The following DCC variants were observed in gnomAD, a reference collection of about 807,000 sequenced individuals.
DCC encodes netrin receptor DCC.
A neutral mutation model predicts 172.5 loss-of-function variants in DCC; 58 were observed. The ratio of observed to expected loss-of-function variants is 0.34; its 90% confidence interval spans 0.27 to 0.42. The LOEUF is 0.42. DCC is among the 10% of genes least tolerant of loss of function. The pLI, the probability that DCC is intolerant of heterozygous loss-of-function variation, is 1.00. For synonymous variants in DCC, 709 were observed against 644.5 expected, an observed-to-expected ratio of 1.10 and a Z score of -1.52; for missense variants, 1,740 against 1,791.0, an observed-to-expected ratio of 0.97 and a Z score of 0.51.
At chr18:53,519,835 T>TATCA (rs1350661990) in intron 27 of DCC, among the ~76,000 whole-genome samples, 2 of 152,140 alleles carry the variant, frequency 1.3e-5, no homozygotes, top group Non-Finnish European at 2.9e-5. Context: ...TCAAAAATTC[T>TATCA]ATCATTTCTT....
chr18:53,237,338 A>T (rs1568383911), intron 12 of DCC: 1 of 152,806 alleles, frequency 6.5e-6, no homozygotes, highest in Non-Finnish European at 1.5e-5. Flanking sequence ...AGTATTCTGC[A>T]AAGTGTTTTA....
chr18:52,814,363 G>C (rs2038253090), intron 2 of DCC, among the ~76,000 whole-genome samples: 1 of 152,180 alleles, frequency 6.6e-6, no homozygotes, highest in South Asian at 2.1e-4. Flanking sequence ...TTTCCATCTT[G>C]ACTGCTGTGA....
At chr18:52,675,934 G>A (rs1319582961) in intron 1 of DCC, among the ~76,000 whole-genome samples, 1 of 152,188 alleles carries the variant, frequency 6.6e-6, no homozygotes, top group Non-Finnish European at 1.5e-5. Context: ...GACTATGTGG[G>A]TAGATAACCT....
chr18:53,045,673 C>T (rs2042228569), intron 5 of DCC, among the ~76,000 whole-genome samples: 1 of 151,828 alleles, frequency 6.6e-6, no homozygotes, highest in Non-Finnish European at 1.5e-5. Flanking sequence ...TTTTGATTTG[C>T]CCTGCTGTTA....
At chr18:52,869,190 C>T (rs554621993) in intron 2 of DCC, among the ~76,000 whole-genome samples, 24 of 152,342 alleles carry the variant, frequency 1.6e-4, no homozygotes, top group Admixed American at 2.0e-4. Context: ...GTTCTCGTCC[C>T]GCAACCAGGA....
intron 2 of DCC, among the ~76,000 whole-genome samples, chr18:52,783,476 AT>A (rs2037593391): frequency 6.6e-6 from 1 of 151,212 alleles, no homozygotes; most frequent in South Asian, 2.1e-4. Flanking sequence ...ACACCCTCTA[AT>A]TCTTTCTGAA....
In DCC at chr18:52,599,526, A is replaced by ATTATTTTATT. The variant is rs59180152; in HGVS notation, c.92-152513_92-152504dup. ...CCTCTTTTGATTTGTTTATAAATAT[A>ATTATTTTATT]TTATTTTATTTTATTTTATTTTATA... On this transcript the variant is annotated intron_variant, in intron 1 of 28. Coordinates refer to ENST00000442544, the MANE Select transcript of DCC (RefSeq NM_005215.4). 1.9e-3 allele frequency among the ~76,000 whole-genome samples: 287 copies of ATTATTTTATT among 149,954 alleles called. 3 individuals carry two copies. The highest frequency in any genetic ancestry group is 6.3e-3 in the African/African-American group (255 of 40,730).
chr18:52,861,833 C>A (rs897795704), intron 2 of DCC, among the ~76,000 whole-genome samples: 1 of 151,992 alleles, frequency 6.6e-6, no homozygotes, highest in African/African-American at 2.4e-5. Context: ...AGCCTGTATT[C>A]AAGAGTATTT....
chr18:52,785,845 T>C (rs910839322), intron 2 of DCC, among the ~76,000 whole-genome samples: 2 of 152,104 alleles, frequency 1.3e-5, no homozygotes, highest in African/African-American at 4.8e-5. Flanking sequence ...GTTTAAACTT[T>C]CTAACTTCTC....
intron 5 of DCC, among the ~76,000 whole-genome samples, chr18:52,938,238 A>T (rs1339167777): frequency 1.3e-5 from 2 of 152,142 alleles, no homozygotes; most frequent in Non-Finnish European, 2.9e-5. Flanking sequence ...GATTCATACC[A>T]TAGGTATTGT....
At chr18:52,827,294 TAGAG>T (rs920049141) in intron 2 of DCC, among the ~76,000 whole-genome samples, 1 of 152,218 alleles carries the variant, frequency 6.6e-6, no homozygotes, top group African/African-American at 2.4e-5. Flanking sequence ...GTTTCCTAGT[TAGAG>T]AGCCTTTAAT....
At position 52,453,041 on chromosome 18, in the gene DCC, A is replaced by T. The variant is rs934644125; in HGVS notation, c.91+112163A>T. Reference sequence around the variant, plus strand: ...GCATGTGCCCAGCGAATGTGCATGCATTGGTGTGTCTGTGTACATAGGCAC... The same window carrying T: ...GCATGTGCCCAGCGAATGTGCATGCTTTGGTGTGTCTGTGTACATAGGCAC... On this transcript the variant is annotated intron_variant, in intron 1 of 28. Coordinates refer to ENST00000442544, the MANE Select transcript of DCC (RefSeq NM_005215.4). 5.3e-5 allele frequency among the ~76,000 whole-genome samples: 8 copies of T among 152,230 alleles called. No homozygotes were observed. The East Asian group carries it at 1.5e-3, about 29-fold the overall frequency.
intron 2 of DCC, among the ~76,000 whole-genome samples, chr18:52,863,272 TATCTAGTAGTTTTA>T: frequency 6.6e-6 from 1 of 152,000 alleles, no homozygotes; most frequent in East Asian, 1.9e-4. Flanking sequence ...GTTTCTCTTG[TATCTAGTAGTTTTA>T]ATCATACATA....
chr18:52,776,546 T>C (rs2037436690), intron 2 of DCC, among the ~76,000 whole-genome samples: 1 of 152,030 alleles, frequency 6.6e-6, no homozygotes, highest in Non-Finnish European at 1.5e-5. Context: ...GGGAAGGACG[T>C]TTACAAATAT....
intron 17 of DCC, among the ~76,000 whole-genome samples, chr18:53,392,368 C>T (rs1908606915): frequency 6.6e-6 from 1 of 152,050 alleles, no homozygotes; most frequent in South Asian, 2.1e-4. Flanking sequence ...AAGCCATTAA[C>T]ATCTACTTCA....
chr18:52,937,393 A>T (rs1176646651), intron 5 of DCC, among the ~76,000 whole-genome samples: 1 of 152,146 alleles, frequency 6.6e-6, no homozygotes, highest in Non-Finnish European at 1.5e-5. Flanking sequence ...CTACCTCCTC[A>T]TTCCCTTCCA....
chr18:52,412,843 G>A (rs150119940), intron 1 of DCC, among the ~76,000 whole-genome samples: 2 of 151,958 alleles, frequency 1.3e-5, no homozygotes, highest in African/African-American at 4.8e-5. Context: ...TTATTCTTTT[G>A]CATTTTACAG....
chr18:53,521,249 A>T (rs1357843867), intron 27 of DCC, among the ~76,000 whole-genome samples: 1 of 152,134 alleles, frequency 6.6e-6, no homozygotes, highest in Non-Finnish European at 1.5e-5. Context: ...TACATTTTGA[A>T]TGCATAACTG....
chr18:52,643,041 C>G (rs2034941266), intron 1 of DCC, among the ~76,000 whole-genome samples: 1 of 152,174 alleles, frequency 6.6e-6, no homozygotes, highest in Admixed American at 6.5e-5. Context: ...AAATGGCCAC[C>G]TATCCAAACC....
Sources: allele counts gnomAD v4.1 joint callset (sites outside exome capture counted in the v4.1 genomes callset), GRCh38; gene constraint gnomAD v4.1.1; transcripts MANE v1.5; gene names NCBI Gene and HGNC (gene_info 2026-07-23, HGNC 2026-07-21).